Variants in EIF2AK4 observed in about 807,000 individuals in gnomAD.
EIF2AK4 encodes the protein eIF-2-alpha kinase GCN2.
In EIF2AK4, 139 loss-of-function variants were observed where a neutral mutation model predicts 211.1. The ratio of observed to expected loss-of-function variants is 0.66; its 90% CI spans 0.57 to 0.76. EIF2AK4 has a LOEUF of 0.76. EIF2AK4 is among the 30% of genes least tolerant of loss of function. EIF2AK4 has a pLI of 0.00. For synonymous variants in EIF2AK4, 710 were observed against 751.3 expected, an observed-to-expected ratio of 0.94 and a Z score of 0.90; for missense variants, 1,664 against 2,043.8, an observed-to-expected ratio of 0.81 and a Z score of 3.58.
At chr15:39,958,597 C>T (rs1236470616) in intron 6 of EIF2AK4, among the ~76,000 whole-genome samples, 2 of 152,158 alleles carry the variant, frequency 1.3e-5, no homozygotes, top group African/African-American at 4.8e-5. Flanking sequence ...GTGGTTGGTT[C>T]CATGGAGGCA....
chr15:39,984,995 A>C (rs1283096222), intron 13 of EIF2AK4, among the ~76,000 whole-genome samples: 2 of 152,210 alleles, frequency 1.3e-5, no homozygotes, highest in Middle Eastern at 3.2e-3. Flanking sequence ...GGTTTGTCAT[A>C]AATAGCTCTT....
At chr15:40,022,803 G>C (rs977128910) in intron 32 of EIF2AK4, among the ~76,000 whole-genome samples, 198 bp downstream of exon 32, 1 of 151,780 alleles carries the variant, frequency 6.6e-6, no homozygotes, top group Non-Finnish European at 1.5e-5. Context: ...ACGCAATCTC[G>C]GCTCACTGCA....
At chr15:39,951,687 G>T in intron 4 of EIF2AK4, 1 of 200,920 alleles carries the variant, frequency 5.0e-6, no homozygotes. Context: ...CCAGTAGAAG[G>T]TGCAGTCTTG....
chr15:39,992,694 C>T (rs1487582979), intron 17 of EIF2AK4, 75 bp from the exon 18 acceptor site: 4 of 1,351,382 alleles, frequency 3.0e-6, no homozygotes, highest in Admixed American at 3.4e-5. Flanking sequence ...TTTAAGAAAC[C>T]TTTTTTTGTT....
intron 3 of EIF2AK4, 93 bp from the exon 4 acceptor site, chr15:39,949,023 G>A: frequency 1.4e-6 from 2 of 1,477,286 alleles, no homozygotes; most frequent in Non-Finnish European, 1.9e-6. Context: ...GTGGGCCTCT[G>A]ACCGCCAGTT....
chr15:39,943,622 A>T, intron 3 of EIF2AK4, 137 bp downstream of exon 3: 1 of 695,952 alleles, frequency 1.4e-6, no homozygotes, highest in Non-Finnish European at 2.3e-6. Flanking sequence ...ATTTAATAGG[A>T]TTAATGAAAT....
chr15:39,961,785 C>T lies in EIF2AK4; in HGVS notation c.745C>T (p.Arg249Ter), dbSNP rs202140402. 30 of 1,605,410 alleles carry T rather than the reference C, an allele frequency of 1.9e-5. No homozygotes were observed. Among genetic ancestry groups the T allele is most frequent in the Non-Finnish European group, 2.4e-5 (28 of 1,176,242 alleles). ...HRANSSGRSR[R>*]ERQYSVCNSE... Reference sequence around the variant, plus strand: ...GTATTGTTCAAATTTATTTTTAAGGCGAGAACGTCAGTATTCTGTATGTAA... The same window carrying T: ...GTATTGTTCAAATTTATTTTTAAGGTGAGAACGTCAGTATTCTGTATGTAA... Residue 249 changes from arginine (R) to a stop codon, truncating the protein, a stop_gained and splice_region_variant, in exon 7 of 39, where the codon CGA becomes TGA. Transcript: ENST00000263791. LOFTEE classifies it high-confidence loss of function.
rs541941454 is a variant in EIF2AK4 at position 40,034,879 on chromosome 15, G to T, written c.4893-148G>T. The T allele has an allele frequency of 1.4e-5, 8 of 572,426 alleles. No homozygotes were observed. In the African/African-American group the frequency reaches 1.5e-4, roughly 11 times the overall value. 35.5% of individuals were successfully genotyped at this position (572,426 alleles called of 1,614,324 possible). ...TGCAGACCCCTGTCAGTCACACCTT[G>T]TATAAAACCTATATAATTTTTTAAT... is the stretch of plus-strand genomic sequence containing the variant. On this transcript the variant is annotated intron_variant, in intron 38 of 38. Transcript: ENST00000263791.
At chr15:40,014,814 TA>T (rs1425422023) in intron 27 of EIF2AK4, among the ~76,000 whole-genome samples, 1 of 152,242 alleles carries the variant, frequency 6.6e-6, no homozygotes, top group East Asian at 1.9e-4. Context: ...TCTGAATTTT[TA>T]TGCTCTGTTT....
At position 40,019,178 on chromosome 15, in the gene EIF2AK4, C is replaced by G. The variant is rs769471629; in HGVS notation, c.4151C>G (p.Ala1384Gly). The change falls in exon 30 of 39, where the codon GCT becomes GGT. Residue 1384 changes from alanine to glycine, a missense_variant. By Grantham distance (60) the Ala-to-Gly change is moderately conservative (BLOSUM62 0). Transcript: ENST00000263791. ...VSIAIDKISA[A>G]VLNMEESVTI... ...ATAGCTATAGACAAGATATCTGCTGCTGTCCTCAACATGGAGGAATCTGTA... is the reference window on the plus strand; with the variant it reads ...ATAGCTATAGACAAGATATCTGCTGGTGTCCTCAACATGGAGGAATCTGTA... 5 of 1,596,736 alleles carry G rather than the reference C, an allele frequency of 3.1e-6. No individual in the cohort carries two copies. The highest frequency in any genetic ancestry group is 4.3e-6 in the Non-Finnish European group (5 of 1,171,496).
At chr15:39,955,494 A>C in intron 5 of EIF2AK4, 126 bp from the exon 6 acceptor site, 1 of 940,918 alleles carries the variant, frequency 1.1e-6, no homozygotes, top group East Asian at 2.8e-5. Context: ...AGTTAAGTTC[A>C]ATTTTATTTC....
chr15:39,981,263 A>C, intron 13 of EIF2AK4, among the ~76,000 whole-genome samples: 1 of 151,962 alleles, frequency 6.6e-6, no homozygotes, highest in African/African-American at 2.4e-5. Context: ...CCAGCTACTC[A>C]GGAGGCTGAG....
Position 40,030,396 on chromosome 15 carries a change from T to G in EIF2AK4, c.4599T>G (p.Ile1533Met), listed in dbSNP as rs1757072278. The change falls in exon 35 of 39, where the codon ATT becomes ATG. Residue 1533 changes from isoleucine to methionine, a missense_variant. By Grantham distance (10) the Ile-to-Met change is conservative. Transcript: ENST00000263791. ...TCCATGGAGCAACAGTGGTTCCCAT[T>G]GTGAGTGTGCTAGCCCCGGAGAAGC... ...FEIHGATVVP[I>M]VSVLAPEKLS... The G allele has an allele frequency of 6.2e-7, 1 of 1,614,106 alleles. No homozygotes were observed. Among genetic ancestry groups the G allele is most frequent in the Non-Finnish European group, 8.5e-7 (1 of 1,180,014 alleles).
At position 39,961,843 on chromosome 15, in the gene EIF2AK4, T is replaced by C; in HGVS notation, c.803T>C (p.Leu268Pro). 6.2e-7 allele frequency: 1 copy of C among 1,614,230 alleles called. No homozygotes were observed. The highest frequency in any genetic ancestry group is 2.2e-5 in the East Asian group (1 of 44,882). ...GATTCTCCTGGCTCTTGTGAAATTCTGTATTTCAATATGGGGAGTCCTGAT... is the reference window on the plus strand; with the variant it reads ...GATTCTCCTGGCTCTTGTGAAATTCCGTATTTCAATATGGGGAGTCCTGAT... The part of the protein sequence containing the change: ...SEDSPGSCEI[L>P]YFNMGSPDQL... Residue 268 changes from leucine (L) to proline (P), a missense_variant, in exon 7 of 39, where the codon CTG becomes CCG. Physicochemically the swap from Leu to Pro is moderately conservative, Grantham distance 98. This residue lies in a region of EIF2AK4 where 641 missense variants were observed against 729.6 expected (regional missense o/e 0.88). Transcript: ENST00000263791.
chr15:40,029,090 C>T (rs190564293), intron 33 of EIF2AK4, among the ~76,000 whole-genome samples: 50 of 152,128 alleles, frequency 3.3e-4, no homozygotes, highest in African/African-American at 1.2e-3. Context: ...ATGAGGGGGG[C>T]GGAAAGAACA....
At position 40,026,146 on chromosome 15, in the gene EIF2AK4, C is replaced by G. The variant is rs116547120; in HGVS notation, c.4502+57C>G. 3.4e-4 allele frequency: 492 copies of G among 1,447,234 alleles called. 2 individuals are homozygous for G. In the African/African-American group the frequency reaches 6.4e-3, roughly 19 times the overall value. 89.6% of individuals were successfully genotyped at this position (1,447,234 alleles called of 1,614,324 possible). Reference sequence around the variant, plus strand: ...ACTTCAGTTACCTATATGGAAACTACGTAAATTTATTTTAAAAGTCAATTT... The same window carrying G: ...ACTTCAGTTACCTATATGGAAACTAGGTAAATTTATTTTAAAAGTCAATTT... On this transcript the variant is annotated intron_variant, in intron 33 of 38. Transcript: ENST00000263791.
chr15:40,011,745 C>T (rs902991080), intron 27 of EIF2AK4, among the ~76,000 whole-genome samples: 1 of 152,232 alleles, frequency 6.6e-6, no homozygotes, highest in African/African-American at 2.4e-5. Context: ...ATCTGGGGAG[C>T]TACCCTTCCC....
At chr15:40,002,559 C>T in intron 21 of EIF2AK4, 154 bp from the exon 22 acceptor site, 1 of 723,704 alleles carries the variant, frequency 1.4e-6, no homozygotes, top group African/African-American at 1.8e-5. Context: ...GTGTCCTCTT[C>T]CCTGATGTGT....
chr15:39,966,598 A>T (rs2034547732), intron 8 of EIF2AK4, among the ~76,000 whole-genome samples: 1 of 152,188 alleles, frequency 6.6e-6, no homozygotes, highest in Admixed American at 6.5e-5. Flanking sequence ...TTTATAACCA[A>T]GCATAAGGAG....
Sources: allele counts gnomAD v4.1 joint callset (sites outside exome capture counted in the v4.1 genomes callset), GRCh38; gene constraint gnomAD v4.1.1; regional missense constraint gnomAD v4.1.1; transcripts MANE v1.5; gene names NCBI Gene and HGNC (gene_info 2026-07-23, HGNC 2026-07-21).